MUTYH: variants seen among roughly 807,000 people sequenced by gnomAD.
MUTYH encodes adenine DNA glycosylase.
In MUTYH, 64 loss-of-function variants were observed where a neutral mutation model predicts 72.9. The observed-to-expected ratio is 0.88, with a 90% CI of 0.72 to 1.08. The LOEUF (loss-of-function observed/expected upper bound fraction) is 1.08. MUTYH is among the 50% of genes least tolerant of loss of function. The pLI is 0.00. For synonymous variants in MUTYH, 234 were observed against 263.1 expected, an observed-to-expected ratio of 0.89 and a Z score of 1.07; for missense variants, 633 against 671.0, an observed-to-expected ratio of 0.94 and a Z score of 0.63.
Position 45,331,806 on chromosome 1 carries a change from C to A in MUTYH, c.957G>T (p.Glu319Asp), listed in dbSNP as rs1557465450. The A allele has an allele frequency of 6.2e-7, 1 of 1,610,774 alleles. No individual in the cohort carries two copies. The highest frequency in any genetic ancestry group is 8.5e-7 in the Non-Finnish European group (1 of 1,178,248). ...CCACTCCCAGGGTCTGGTCCCAGGG[C>A]TCCGAGGGAGGCAGGCACAGGTGGC... ...GQCHLCLPPS[E>D]PWDQTLGVVN... The change falls in exon 12 of 16, where the codon GAG becomes GAT. Residue 319 changes from glutamate (E) to aspartate (D), a missense_variant. By Grantham distance (45) the Glu-to-Asp change is conservative (BLOSUM62 2). Coordinates refer to ENST00000456914, the MANE Select transcript of MUTYH (RefSeq NM_001048174.2).
In MUTYH at chr1:45,331,407, G is replaced by C. The variant is rs200643518; in HGVS notation, c.1239+13C>G. ...AAAAGCCAACATCCTTGGCTATTCCGCTGCTCACTTACCTCCCCAAGGTGC... is the reference window on the plus strand; with the variant it reads ...AAAAGCCAACATCCTTGGCTATTCCCCTGCTCACTTACCTCCCCAAGGTGC... On this transcript the variant is annotated intron_variant, in intron 13 of 15. Coordinates refer to ENST00000456914, the MANE Select transcript of MUTYH (RefSeq NM_001048174.2). 6.2e-7 allele frequency: 1 copy of C among 1,614,230 alleles called. No homozygotes were observed.
At position 45,332,080 on chromosome 1, in the gene MUTYH, G is replaced by A. The variant is rs587781338; in HGVS notation, c.856C>T (p.Gln286Ter). The change falls in exon 11 of 16, where the codon CAG becomes TAG. Residue 286 changes from glutamine (Q) to a stop codon, truncating the protein, a stop_gained. Coordinates refer to ENST00000456914, the MANE Select transcript of MUTYH (RefSeq NM_001048174.2). LOFTEE classifies it high-confidence loss of function. ...SLCRARQRVE[Q>*]EQLLASGSLS... Reference sequence around the variant, plus strand: ...CTCCCTGAGGCTAAGAGCTGTTCCTGCTCCACCTGAGAGGCACAGGGTTGA... The same window carrying A: ...CTCCCTGAGGCTAAGAGCTGTTCCTACTCCACCTGAGAGGCACAGGGTTGA... The A allele has an allele frequency of 1.7e-5, 27 of 1,614,196 alleles. No individual in the cohort carries two copies. The highest frequency in any genetic ancestry group is 2.3e-5 in the Non-Finnish European group (27 of 1,180,024).
At chr1:45,333,661 T>A in intron 2 of MUTYH, 100 bp from the exon 3 acceptor site, 1 of 1,520,724 alleles carries the variant, frequency 6.6e-7, no homozygotes, top group Non-Finnish European at 8.8e-7. Flanking sequence ...CACTTAGGGC[T>A]TCCCCCAACT....
At position 45,331,465 on chromosome 1, in the gene MUTYH, A is replaced by G. The variant is rs777361121; in HGVS notation, c.1194T>C (p.Arg398=). The stretch of plus-strand genomic sequence containing the variant: ...GCGTGGCTGGGAGGGGCCCAGCCCA[A>G]CGCTGTAGTTCCTGCAGCAGGGCCT... ...QRKALLQELQ[R]WAGPLPATHL... is the part of the protein sequence containing the mutation. Residue 398 remains arginine (R), a synonymous_variant, in exon 13 of 16, where the codon CGT becomes CGC. Coordinates refer to ENST00000456914, the MANE Select transcript of MUTYH (RefSeq NM_001048174.2). 4 of 1,614,242 alleles carry G rather than the reference A, an allele frequency of 2.5e-6. No homozygotes were observed. Among genetic ancestry groups the G allele is most frequent in the East Asian group, 2.2e-5 (1 of 44,882 alleles).
intron 1 of MUTYH, among the ~76,000 whole-genome samples, chr1:45,336,766 C>G (rs1645960962): frequency 6.6e-6 from 1 of 152,218 alleles, no homozygotes; most frequent in South Asian, 2.1e-4. Flanking sequence ...GTTTGGTGGT[C>G]TCTTCACATG....
chr1:45,333,449 G>A lies in MUTYH; in HGVS notation c.228C>T (p.Tyr76=), dbSNP rs121908380. 1.6e-3 allele frequency: 2,580 copies of A among 1,614,190 alleles called. 7 individuals are homozygous for A. The highest frequency in any genetic ancestry group is 1.8e-3 in the Admixed American group (106 of 60,036). The part of the protein sequence containing the change: ...TAFRGSLLSW[Y]DQEKRDLPWR... ...ATGGTAGGTCCCGTTTCTCTTGGTCGTACCAGCTTAGCAGGCTCCCTCGGA... is the reference window on the plus strand; with the variant it reads ...ATGGTAGGTCCCGTTTCTCTTGGTCATACCAGCTTAGCAGGCTCCCTCGGA... The change falls in exon 3 of 16, where the codon TAC becomes TAT. Residue 76 remains tyrosine (Y), a synonymous_variant. Transcript: ENST00000456914.
intron 6 of MUTYH, 26 bp from the exon 7 acceptor site, chr1:45,332,860 A>C: frequency 1.2e-6 from 2 of 1,614,120 alleles, no homozygotes; most frequent in Non-Finnish European, 1.7e-6. Context: ...GAGGTCAAAG[A>C]GATCACCCGT....
At chr1:45,339,999 G>A (rs1646752910), upstream of MUTYH, 3 of 1,537,178 alleles carry the variant, frequency 2.0e-6, no homozygotes, top group South Asian at 1.2e-5. Flanking sequence ...TAGCGCGCCC[G>A]GCTTTCCGGC....
At position 45,333,570 on chromosome 1, in the gene MUTYH, G is replaced by T. The variant is rs1570446268; in HGVS notation, c.116-9C>A. On this transcript the variant is annotated splice_polypyrimidine_tract_variant and intron_variant, in intron 2 of 15. Coordinates refer to ENST00000456914, the MANE Select transcript of MUTYH (RefSeq NM_001048174.2). The stretch of plus-strand genomic sequence containing the variant: ...CGGCTGCCTGGCCAGGCCTGCTGGG[G>T]CCCCAGGACACTCAGCAATCATCCC... The T allele has an allele frequency of 6.2e-7, 1 of 1,612,978 alleles. No homozygotes were observed. The highest frequency in any genetic ancestry group is 1.3e-5 in the African/African-American group (1 of 75,038).
chr1:45,331,084 C>A, intron 14 of MUTYH, 98 bp downstream of exon 14: 1 of 1,486,414 alleles, frequency 6.7e-7, no homozygotes, highest in East Asian at 2.3e-5. Context: ...TTCTCCGTCT[C>A]AAAAAAAAAT....
At chr1:45,336,658 T>C (rs1017476701) in intron 1 of MUTYH, among the ~76,000 whole-genome samples, 3 of 151,974 alleles carry the variant, frequency 2.0e-5, no homozygotes, top group Admixed American at 2.0e-4. Context: ...CTATAAGAAC[T>C]AATGATAATT....
At position 45,339,954 on chromosome 1, in the gene MUTYH, G is replaced by C; in HGVS notation, c.-62C>G. 1.3e-6 allele frequency: 2 copies of C among 1,498,770 alleles called. No individual in the cohort carries two copies. Among genetic ancestry groups the C allele is most frequent in the Non-Finnish European group, 1.8e-6 (2 of 1,113,782 alleles). The allele number at this position is 1,498,770 out of a possible 1,614,324, so 92.8% of individuals were successfully genotyped here. ...CACGGAGGCCCCGCGTTCCCGCCGCGAGAGCAGGAGAGAAAGATTACCTCC... is the reference window on the plus strand; with the variant it reads ...CACGGAGGCCCCGCGTTCCCGCCGCCAGAGCAGGAGAGAAAGATTACCTCC... On this transcript the variant is annotated 5_prime_UTR_variant, in exon 1 of 16. Transcript: ENST00000456914.
rs1437789978 is a variant in MUTYH at position 45,331,479 on chromosome 1, G to A, written c.1180C>T (p.Gln394Ter). Residue 394 changes from glutamine (Q) to a stop codon, truncating the protein, a stop_gained, in exon 13 of 16, where the codon CAG becomes TAG. Coordinates refer to ENST00000456914, the MANE Select transcript of MUTYH (RefSeq NM_001048174.2). LOFTEE classifies it high-confidence loss of function. ...GGCCCAGCCCAACGCTGTAGTTCCT[G>A]CAGCAGGGCCTTGCGCTGAAGCTGC... Reference protein sequence around the residue: ...SEQLQRKALLQELQRWAGPLP... With the variant: ...SEQLQRKALL 2 of 1,614,170 alleles carry A rather than the reference G, an allele frequency of 1.2e-6. No homozygotes were observed. Among genetic ancestry groups the A allele is most frequent in the South Asian group, 2.2e-5 (2 of 91,084 alleles).
chr1:45,340,332 A>G, upstream of MUTYH: 11 of 1,604,130 alleles, frequency 6.9e-6, no homozygotes, highest in Non-Finnish European at 9.4e-6. Flanking sequence ...GGTAGCCTTC[A>G]AAGCCTCTGC....
chr1:45,330,471 C>T, intron 15 of MUTYH, 45 bp downstream of exon 15: 1 of 1,585,760 alleles, frequency 6.3e-7, no homozygotes, highest in Admixed American at 1.7e-5. Context: ...AACCTATGGA[C>T]TCAGGCCTGG....
intron 7 of MUTYH, 32 bp from the exon 8 acceptor site, chr1:45,332,719 A>G: frequency 6.2e-7 from 1 of 1,613,830 alleles, no homozygotes. Flanking sequence ...AGATTATAAG[A>G]CACCCAAGAC....
At chr1:45,331,952 G>C in intron 11 of MUTYH, 71 bp downstream of exon 11, 1 of 1,613,406 alleles carries the variant, frequency 6.2e-7, no homozygotes, top group Non-Finnish European at 8.5e-7. Context: ...ACTCAGGTTA[G>C]AGGAAGAACT....
intron 14 of MUTYH, among the ~76,000 whole-genome samples, chr1:45,330,807 G>A (rs1349239653): frequency 6.6e-6 from 1 of 151,886 alleles, no homozygotes; most frequent in East Asian, 1.9e-4. Context: ...AATCATGGCT[G>A]GGTGTGGTAG....
At position 45,333,591 on chromosome 1, in the gene MUTYH, A is replaced by G; in HGVS notation, c.116-30T>C. ...TGGGGCCCCAGGACACTCAGCAATC[A>G]TCCCTGCACAGGCTGTGCATCAGGG... On this transcript the variant is annotated intron_variant, in intron 2 of 15. Coordinates refer to ENST00000456914, the MANE Select transcript of MUTYH (RefSeq NM_001048174.2). The G allele has an allele frequency of 6.2e-7, 1 of 1,609,604 alleles. No homozygotes were observed. Among genetic ancestry groups the G allele is most frequent in the Non-Finnish European group, 8.5e-7 (1 of 1,177,250 alleles).
Sources: gnomAD v4.1 joint callset for allele counts (sites outside exome capture counted in the v4.1 genomes callset) on GRCh38, gnomAD v4.1.1 for gene constraint, MANE v1.5 for transcripts, NCBI Gene and HGNC (gene_info 2026-07-23, HGNC 2026-07-21) for gene names.